Variants in CTNNA3 observed in about 807,000 individuals in gnomAD.
CTNNA3 encodes the protein catenin alpha-3.
Under a neutral mutation model 95.7 loss-of-function variants are expected in CTNNA3, and 76 were observed. That is an observed-to-expected ratio of 0.79 (90% CI 0.66 to 0.96). CTNNA3 has a LOEUF of 0.96. CTNNA3 is among the 40% of genes least tolerant of loss of function. The pLI is 0.00. For missense variants in CTNNA3, 1,191 were observed against 1,089.8 expected (o/e 1.09, Z -1.31); for synonymous variants, 431 against 374.4 (o/e 1.15, Z -1.74).
At chr10:66,513,415 G>T (rs1840730134) in intron 11 of CTNNA3, among the ~76,000 whole-genome samples, 2 of 152,126 alleles carry the variant, frequency 1.3e-5, no homozygotes, top group South Asian at 4.1e-4. Context: ...TGCTCTAGTT[G>T]TTCCTGAAAG....
intron 7 of CTNNA3, among the ~76,000 whole-genome samples, chr10:67,154,565 A>G (rs1270343314): frequency 6.6e-6 from 1 of 152,256 alleles, no homozygotes; most frequent in East Asian, 1.9e-4. Context: ...AGATTAGAAT[A>G]AAACGCATGA....
rs1195713647 is a variant in CTNNA3 at position 67,564,671 on chromosome 10, G to T, written c.293-25002C>A. Among the ~76,000 whole-genome samples, 15 of 81,714 alleles carry T rather than the reference G, an allele frequency of 1.8e-4. 2 individuals carry two copies. The highest frequency in any genetic ancestry group is 9.4e-4 in the African/African-American group (15 of 15,994). The allele number at this position is 81,714 out of a possible 152,430, so 53.6% of individuals were successfully genotyped here. A position where few individuals can be genotyped will look rare whatever the true frequency, so the allele number is the denominator to read the frequency against. On this transcript the variant is annotated intron_variant, in intron 3 of 17. Transcript: ENST00000433211. ...TGTATATATATGCATATATGTGTGTGTGTGTGTATATATATATATATATAT... is the reference window on the plus strand; with the variant it reads ...TGTATATATATGCATATATGTGTGTTTGTGTGTATATATATATATATATAT...
At chr10:66,223,801 C>G (rs192999939) in intron 13 of CTNNA3, among the ~76,000 whole-genome samples, 1 of 152,276 alleles carries the variant, frequency 6.6e-6, no homozygotes. Context: ...CAGCCTGTTT[C>G]TGGATGAGAT....
intron 7 of CTNNA3, among the ~76,000 whole-genome samples, chr10:66,925,220 A>G: frequency 6.6e-6 from 1 of 152,130 alleles, no homozygotes; most frequent in Non-Finnish European, 1.5e-5. Flanking sequence ...TTACCTCCCC[A>G]AGTCTGTTTC....
At chr10:66,872,291 T>C (rs186936736) in intron 7 of CTNNA3, among the ~76,000 whole-genome samples, 50 of 152,354 alleles carry the variant, frequency 3.3e-4, no homozygotes, top group African/African-American at 1.1e-3. Flanking sequence ...TTAAAAACTT[T>C]CTTAATTTCA....
chr10:67,713,234 A>G (rs1589578540), intron 1 of CTNNA3, among the ~76,000 whole-genome samples: 1 of 152,278 alleles, frequency 6.6e-6, no homozygotes, highest in African/African-American at 2.4e-5. Context: ...CCACGATGAG[A>G]TAACATCTCA....
intron 10 of CTNNA3, among the ~76,000 whole-genome samples, chr10:66,620,810 A>G (rs1182689548): frequency 6.6e-6 from 1 of 152,180 alleles, no homozygotes; most frequent in Non-Finnish European, 1.5e-5. Flanking sequence ...CAGCAAGGCA[A>G]ATCAATAATT....
At chr10:67,234,100 A>G (rs1251377286) in intron 5 of CTNNA3, among the ~76,000 whole-genome samples, 2 of 152,198 alleles carry the variant, frequency 1.3e-5, no homozygotes, top group African/African-American at 4.8e-5. Flanking sequence ...AGGAACTGGT[A>G]CCATTCCTTC....
intron 2 of CTNNA3, among the ~76,000 whole-genome samples, chr10:67,646,528 A>T (rs1839719071): frequency 6.6e-6 from 1 of 152,124 alleles, no homozygotes; most frequent in Non-Finnish European, 1.5e-5. Context: ...ATTGATAAAA[A>T]TATGTAAACT....
chr10:67,558,874 C>CT (rs1283571618), intron 3 of CTNNA3, among the ~76,000 whole-genome samples: 2 of 152,220 alleles, frequency 1.3e-5, no homozygotes, highest in Non-Finnish European at 2.9e-5. Flanking sequence ...CCCACGGAGT[C>CT]TCGCTGATTG....
intron 7 of CTNNA3, among the ~76,000 whole-genome samples, chr10:66,872,664 G>A (rs1002191626): frequency 2.9e-5 from 4 of 138,764 alleles, no homozygotes; most frequent in Middle Eastern, 3.5e-3. Flanking sequence ...ACGAGACCCC[G>A]TCTCAAAAAT....
chr10:66,149,183 T>G (rs959168549), intron 13 of CTNNA3, among the ~76,000 whole-genome samples: 1 of 148,168 alleles, frequency 6.7e-6, no homozygotes, highest in African/African-American at 2.4e-5. Context: ...TATAGTTAAC[T>G]ATATAGTTAA....
chr10:67,546,515 T>C (rs199700796), intron 3 of CTNNA3, among the ~76,000 whole-genome samples: 2 of 152,162 alleles, frequency 1.3e-5, no homozygotes, highest in South Asian at 2.1e-4. Context: ...GTTAGAAGTT[T>C]CATATACCTA....
intron 7 of CTNNA3, among the ~76,000 whole-genome samples, chr10:66,823,197 T>C (rs145384292): frequency 1.3e-5 from 2 of 152,218 alleles, no homozygotes; most frequent in Non-Finnish European, 2.9e-5. Context: ...TGGTGAGAAC[T>C]GAGCAGTGAC....
chr10:66,380,617 CTA>C (rs1311081871), intron 11 of CTNNA3, among the ~76,000 whole-genome samples: 1 of 114,842 alleles, frequency 8.7e-6, no homozygotes, highest in African/African-American at 4.2e-5. Context: ...ATCTATCTAT[CTA>C]TCTATCTATA....
chr10:66,901,686 A>C (rs1845753345), intron 7 of CTNNA3, among the ~76,000 whole-genome samples: 1 of 152,346 alleles, frequency 6.6e-6, no homozygotes, highest in Admixed American at 6.5e-5. Flanking sequence ...AGGAAGATCT[A>C]CCAAGCAAAT....
chr10:66,342,745 G>A (rs900353858), intron 12 of CTNNA3, among the ~76,000 whole-genome samples: 1 of 151,934 alleles, frequency 6.6e-6, no homozygotes, highest in African/African-American at 2.4e-5. Context: ...TTTAGGTAAT[G>A]TTGTAATATA....
intron 7 of CTNNA3, among the ~76,000 whole-genome samples, chr10:66,857,263 G>T (rs1433712715): frequency 2.0e-5 from 3 of 152,054 alleles, no homozygotes; most frequent in Admixed American, 6.6e-5. Flanking sequence ...TAGTCTATGT[G>T]ACCGTTTTTG....
At chr10:67,468,550 T>C (rs1174095474) in intron 5 of CTNNA3, among the ~76,000 whole-genome samples, 10 of 152,144 alleles carry the variant, frequency 6.6e-5, no homozygotes, top group Admixed American at 5.2e-4. Flanking sequence ...TACAGAGATG[T>C]AGCTTGGAGG....
Sources: allele counts gnomAD v4.1 joint callset (sites outside exome capture counted in the v4.1 genomes callset), GRCh38; gene constraint gnomAD v4.1.1; transcripts MANE v1.5; gene names NCBI Gene and HGNC (gene_info 2026-07-23, HGNC 2026-07-21).